SEMA5A: variants seen among roughly 807,000 people sequenced by gnomAD.
The protein encoded by SEMA5A is semaphorin 5A.
In SEMA5A, 55 loss-of-function variants were observed where a neutral mutation model predicts 135.5. The observed-to-expected ratio is 0.41, with a 90% CI of 0.33 to 0.51. The LOEUF is 0.51. SEMA5A is among the 20% of genes least tolerant of loss of function. SEMA5A has a pLI of 0.37. For missense variants in SEMA5A, 1,290 were observed against 1,419.9 expected, an observed-to-expected ratio of 0.91 and a Z score of 1.47; for synonymous variants, 580 against 546.5, an observed-to-expected ratio of 1.06 and a Z score of -0.85.
chr5:9,361,132 C>T (rs1754674574), intron 3 of SEMA5A, among the ~76,000 whole-genome samples: 1 of 152,020 alleles, frequency 6.6e-6, no homozygotes. Context: ...AACGCTGTCT[C>T]TACTAAAAAT....
At chr5:9,285,337 T>C (rs535152241) in intron 5 of SEMA5A, among the ~76,000 whole-genome samples, 1 of 152,228 alleles carries the variant, frequency 6.6e-6, no homozygotes, top group South Asian at 2.1e-4. Context: ...CCCCTTTCCT[T>C]CTTCTGGAGA....
rs73034801 is a variant in SEMA5A at position 9,434,053 on chromosome 5, G to A, written c.-78+3703C>T. On this transcript the variant is annotated intron_variant, in intron 2 of 22. Transcript: ENST00000382496. Reference sequence around the variant, plus strand: ...CAGGATTGGAACTCAGGTGTATGAAGTCTCCCATCACCCTTTTCATGTTCA... The same window carrying A: ...CAGGATTGGAACTCAGGTGTATGAAATCTCCCATCACCCTTTTCATGTTCA... Among the ~76,000 whole-genome samples, 1,227 of 152,290 alleles carry A rather than the reference G, an allele frequency of 8.1e-3. 16 individuals carry two copies. Among genetic ancestry groups the A allele is most frequent in the African/African-American group, 0.028 (1,172 of 41,572 alleles).
At chr5:9,220,923 G>A (rs1746912916) in intron 8 of SEMA5A, among the ~76,000 whole-genome samples, 1 of 152,142 alleles carries the variant, frequency 6.6e-6, no homozygotes, top group Non-Finnish European at 1.5e-5. Context: ...GCCTGAAGAT[G>A]GGAGTTTAAG....
intron 11 of SEMA5A, among the ~76,000 whole-genome samples, chr5:9,165,546 G>C (rs1251870662): frequency 1.3e-5 from 2 of 152,188 alleles, no homozygotes; most frequent in Admixed American, 1.3e-4. Flanking sequence ...CAAGGCTGGA[G>C]ATTCATGTGG....
chr5:9,146,641 C>T (rs1429631292), intron 12 of SEMA5A, among the ~76,000 whole-genome samples: 3 of 152,288 alleles, frequency 2.0e-5, no homozygotes, highest in East Asian at 1.9e-4. Flanking sequence ...CAAGGTCCTT[C>T]GGTTCAGTTC....
chr5:9,080,525 C>T (rs184122304), intron 16 of SEMA5A, among the ~76,000 whole-genome samples: 294 of 121,266 alleles, frequency 2.4e-3, no homozygotes, highest in African/African-American at 8.2e-3. Context: ...ACATGTATCC[C>T]AGAACTCTTA....
chr5:9,540,316 G>A (rs1738010511), intron 1 of SEMA5A, among the ~76,000 whole-genome samples: 1 of 152,088 alleles, frequency 6.6e-6, no homozygotes, highest in Admixed American at 6.6e-5. Flanking sequence ...AAGGCCGGGC[G>A]CGGTGGCTCA....
chr5:9,235,317 A>C (rs1164252374), intron 6 of SEMA5A, among the ~76,000 whole-genome samples: 1 of 152,228 alleles, frequency 6.6e-6, no homozygotes, highest in Non-Finnish European at 1.5e-5. Context: ...TAAACAATGC[A>C]AAAGTGACAA....
chr5:9,197,045 G>C (rs1325087490), intron 10 of SEMA5A, 123 bp downstream of exon 10: 10 of 1,349,548 alleles, frequency 7.4e-6, no homozygotes, highest in South Asian at 4.1e-5. Context: ...GTCCATGAGG[G>C]GCCAGGGAGA....
At chr5:9,202,307 T>C (rs1805974) in intron 8 of SEMA5A, 67 bp from the exon 9 acceptor site, 273,860 of 1,524,216 alleles carry the variant, frequency 0.18, 26,026 homozygotes, top group Admixed American at 0.34. Context: ...TCTTGCCTGC[T>C]CAGTATTTCA....
rs948276794 is a variant in SEMA5A, at chr5:9,041,213, T to TAAC, written c.*1681_*1683dup. The TAAC allele has an allele frequency of 6.6e-6, 1 of 152,216 alleles. No homozygotes were observed. The highest frequency in any genetic ancestry group is 1.5e-5 in the Non-Finnish European group (1 of 68,038). 9.4% of individuals were successfully genotyped at this position (152,216 alleles called of 1,614,324 possible). The stretch of plus-strand genomic sequence containing the variant: ...TTCATTATTAAACATAGAATTCTTC[T>TAAC]AACACTTTCTGAAATTGTTTCTTTA... On this transcript the variant is annotated 3_prime_UTR_variant, in exon 23 of 23. Transcript: ENST00000382496.
At chr5:9,103,729 T>C (rs1219530134) in intron 16 of SEMA5A, among the ~76,000 whole-genome samples, 1 of 152,226 alleles carries the variant, frequency 6.6e-6, no homozygotes, top group Non-Finnish European at 1.5e-5. Context: ...GTAAATCTGC[T>C]AAACCTTTGA....
chr5:9,323,562 C>T (rs902674768), intron 4 of SEMA5A, among the ~76,000 whole-genome samples: 1 of 151,758 alleles, frequency 6.6e-6, no homozygotes, highest in African/African-American at 2.4e-5. Context: ...TGTGTATATT[C>T]ATGCCAGTTG....
At chr5:9,207,530 A>G (rs1017604145) in intron 8 of SEMA5A, among the ~76,000 whole-genome samples, 5 of 152,134 alleles carry the variant, frequency 3.3e-5, no homozygotes, top group African/African-American at 1.2e-4. Context: ...CAAAAATAAG[A>G]TGAGTTAACG....
intron 2 of SEMA5A, among the ~76,000 whole-genome samples, chr5:9,428,943 C>T (rs1757762061): frequency 6.6e-6 from 1 of 152,112 alleles, no homozygotes; most frequent in Non-Finnish European, 1.5e-5. Flanking sequence ...AAGACGGATG[C>T]AATAATCAAG....
intron 7 of SEMA5A, 119 bp from the exon 8 acceptor site, chr5:9,225,006 G>C: frequency 1.1e-6 from 1 of 911,368 alleles, no homozygotes; most frequent in South Asian, 1.7e-5. Context: ...GGGGGCCCAT[G>C]GGGCAAGATG....
At chr5:9,219,617 G>T (rs113236879) in intron 8 of SEMA5A, among the ~76,000 whole-genome samples, 1 of 152,128 alleles carries the variant, frequency 6.6e-6, no homozygotes, top group African/African-American at 2.4e-5. Flanking sequence ...AGAAGATATA[G>T]GGAGAAGATG....
intron 12 of SEMA5A, among the ~76,000 whole-genome samples, chr5:9,142,648 T>G (rs1442228267): frequency 1.3e-5 from 2 of 152,180 alleles, no homozygotes; most frequent in Non-Finnish European, 2.9e-5. Context: ...CATAAGCTAT[T>G]CTTGTACTTT....
At chr5:9,514,348 A>G (rs1261788632) in intron 1 of SEMA5A, among the ~76,000 whole-genome samples, 1 of 152,030 alleles carries the variant, frequency 6.6e-6, no homozygotes, top group Non-Finnish European at 1.5e-5. Flanking sequence ...AACATTCACA[A>G]CTTCCAGGGA....
Sources: gnomAD v4.1 joint callset for allele counts (sites outside exome capture counted in the v4.1 genomes callset) on GRCh38, gnomAD v4.1.1 for gene constraint, MANE v1.5 for transcripts, NCBI Gene and HGNC (gene_info 2026-07-23, HGNC 2026-07-21) for gene names.